TAOK1: variants seen among roughly 807,000 people sequenced by gnomAD.
TAOK1 encodes TAO kinase 1.
In TAOK1, 21 loss-of-function variants were observed where a neutral mutation model predicts 138.3. The ratio of observed to expected loss-of-function variants is 0.15; its 90% CI spans 0.11 to 0.22. The LOEUF (loss-of-function observed/expected upper bound fraction) is 0.22, where lower values mean the gene tolerates loss of function less well. TAOK1 is among the 10% of genes least tolerant of loss of function. The pLI is 1.00. For missense variants in TAOK1, 651 were observed against 1,227.7 expected, an observed-to-expected ratio of 0.53 and a Z score of 7.02; for synonymous variants, 361 against 398.4, an observed-to-expected ratio of 0.91 and a Z score of 1.12.
intron 2 of TAOK1, among the ~76,000 whole-genome samples, chr17:29,458,065 G>A (rs1022099633): frequency 2.6e-5 from 4 of 151,894 alleles, no homozygotes; most frequent in African/African-American, 9.7e-5. Context: ...AGCCGAGATT[G>A]CGCCACTGGG....
At chr17:29,405,882 AT>A (rs1904977861) in intron 1 of TAOK1, among the ~76,000 whole-genome samples, 1 of 152,158 alleles carries the variant, frequency 6.6e-6, no homozygotes, top group African/African-American at 2.4e-5. Flanking sequence ...TGAGTGCAGC[AT>A]TCTAGGCAGT....
intron 1 of TAOK1, among the ~76,000 whole-genome samples, chr17:29,410,496 G>A (rs1905112284): frequency 2.0e-5 from 3 of 149,354 alleles, no homozygotes; most frequent in Non-Finnish European, 4.5e-5. Flanking sequence ...CAGGTGATCC[G>A]CCCGCCTCGG....
chr17:29,512,610 A>C (rs975403847), intron 15 of TAOK1: 1 of 149,394 alleles, frequency 6.7e-6, no homozygotes, highest in African/African-American at 2.5e-5. Context: ...TGAGCTCCTG[A>C]CCTTGTGATC....
chr17:29,542,866 A>C lies in TAOK1; in HGVS notation c.2850A>C (p.Pro950=). 1 of 1,614,096 alleles carries C rather than the reference A, an allele frequency of 6.2e-7. No individual in the cohort carries two copies. Among genetic ancestry groups the C allele is most frequent in the Non-Finnish European group, 8.5e-7 (1 of 1,179,990 alleles). The change falls in exon 20 of 20, where the codon CCA becomes CCC. Residue 950 remains proline, a synonymous_variant. Coordinates refer to ENST00000261716, the MANE Select transcript of TAOK1 (RefSeq NM_020791.4). The stretch of plus-strand genomic sequence containing the variant: ...AGCCATGGGGTCACCCTTCAGGGCC[A>C]ATGCAAGGGGTACCTCGAGGTAGCA... ...GPQPWGHPSG[P]MQGVPRGSSM...
Position 29,544,460 on chromosome 17 carries a change from A to G in TAOK1, c.*1438A>G, listed in dbSNP as rs1014499304. Reference sequence around the variant, plus strand: ...GCCTCAGTGCTAAAGTACTACTGAAAAGGAACTAGGAAGTTTGGCCAATTA... The same window carrying G: ...GCCTCAGTGCTAAAGTACTACTGAAGAGGAACTAGGAAGTTTGGCCAATTA... On this transcript the variant is annotated 3_prime_UTR_variant, in exon 20 of 20. Transcript: ENST00000261716. The G allele has an allele frequency of 6.6e-6, 1 of 152,662 alleles. No individual in the cohort carries two copies. The highest frequency in any genetic ancestry group is 2.4e-5 in the African/African-American group (1 of 41,474). 9.5% of individuals were successfully genotyped at this position (152,662 alleles called of 1,614,324 possible).
intron 1 of TAOK1, among the ~76,000 whole-genome samples, chr17:29,421,748 G>A (rs989219832): frequency 3.9e-5 from 6 of 152,016 alleles, no homozygotes; most frequent in Non-Finnish European, 8.8e-5. Flanking sequence ...ACATGCACAT[G>A]CCACCACACC....
At chr17:29,420,986 G>T (rs570393624) in intron 1 of TAOK1, among the ~76,000 whole-genome samples, 1 of 152,206 alleles carries the variant, frequency 6.6e-6, no homozygotes, top group East Asian at 1.9e-4. Flanking sequence ...CTGGAGTGCA[G>T]TGGCTCAGTC....
At chr17:29,504,488 G>A (rs1198270087) in intron 13 of TAOK1, among the ~76,000 whole-genome samples, 2 of 151,754 alleles carry the variant, frequency 1.3e-5, no homozygotes, top group Non-Finnish European at 2.9e-5. Context: ...GGCCAACATG[G>A]TGAAACCTCA....
chr17:29,460,985 C>T (rs528356710), intron 2 of TAOK1, among the ~76,000 whole-genome samples: 1 of 152,286 alleles, frequency 6.6e-6, no homozygotes, highest in Admixed American at 6.5e-5. Flanking sequence ...CTGTTGTTTG[C>T]ACCTCCTTAT....
chr17:29,459,426 C>T (rs751354775), intron 2 of TAOK1, among the ~76,000 whole-genome samples: 16 of 151,902 alleles, frequency 1.1e-4, no homozygotes, highest in East Asian at 5.8e-4. Flanking sequence ...AGATTACAGG[C>T]GCCCGCCCCC....
intron 1 of TAOK1, chr17:29,424,646 A>G (rs1412165978): frequency 6.6e-6 from 1 of 152,082 alleles, no homozygotes; most frequent in Non-Finnish European, 1.5e-5. Flanking sequence ...TTTTTGTGTC[A>G]TGTATTAGAT....
intron 1 of TAOK1, among the ~76,000 whole-genome samples, chr17:29,420,242 A>G (rs777934988): frequency 1.3e-5 from 2 of 151,636 alleles, no homozygotes; most frequent in African/African-American, 4.8e-5. Context: ...TGGTTTCTGC[A>G]TGTTGCCCAG....
At chr17:29,477,046 C>T (rs762479450) in intron 4 of TAOK1, among the ~76,000 whole-genome samples, 1 of 152,054 alleles carries the variant, frequency 6.6e-6, no homozygotes, top group South Asian at 2.1e-4. Context: ...GGGGTTTCAC[C>T]GTGTGTGCCA....
Position 29,433,204 on chromosome 17 carries a change from G to A in TAOK1, c.-94-18251G>A, listed in dbSNP as rs192175326. On this transcript the variant is annotated intron_variant, in intron 1 of 19. Transcript: ENST00000261716. ...AGCCAGCACTTTGGGAGGCCAAGCC[G>A]GGTGGATTACGAGGTCAGGAGTTCA... 4.6e-5 allele frequency among the ~76,000 whole-genome samples: 7 copies of A among 152,176 alleles called. No individual in the cohort carries two copies. In the East Asian group the frequency reaches 5.8e-4, roughly 13 times the overall value.
At chr17:29,418,496 C>A (rs1905323912) in intron 1 of TAOK1, among the ~76,000 whole-genome samples, 1 of 152,108 alleles carries the variant, frequency 6.6e-6, no homozygotes, top group Non-Finnish European at 1.5e-5. Flanking sequence ...TGAGCCACTG[C>A]ACCCAGCCTA....
chr17:29,496,064 A>G (rs923637184), intron 11 of TAOK1, among the ~76,000 whole-genome samples: 1 of 152,016 alleles, frequency 6.6e-6, no homozygotes, highest in South Asian at 2.1e-4. Flanking sequence ...GGCCTTCTCT[A>G]ATTTCTTGAC....
chr17:29,407,739 G>C (rs961466805), intron 1 of TAOK1, among the ~76,000 whole-genome samples: 1 of 152,102 alleles, frequency 6.6e-6, no homozygotes. Flanking sequence ...GAGCCACAAT[G>C]CCCAACTGAG....
chr17:29,496,372 C>T (rs1195678150), intron 11 of TAOK1, among the ~76,000 whole-genome samples: 5 of 152,080 alleles, frequency 3.3e-5, no homozygotes, highest in Non-Finnish European at 7.4e-5. Flanking sequence ...CCTGCCTCGG[C>T]CTCCCAAAGT....
intron 3 of TAOK1, among the ~76,000 whole-genome samples, chr17:29,472,502 C>T (rs2030844100): frequency 6.6e-6 from 1 of 151,980 alleles, no homozygotes; most frequent in Non-Finnish European, 1.5e-5. Context: ...ATCCACCTGC[C>T]TCGGCCTCCC....
Sources: gnomAD v4.1 joint callset for allele counts (sites outside exome capture counted in the v4.1 genomes callset) on GRCh38, gnomAD v4.1.1 for gene constraint, MANE v1.5 for transcripts, NCBI Gene and HGNC (gene_info 2026-07-23, HGNC 2026-07-21) for gene names.